RP1: variants seen among roughly 807,000 people sequenced by gnomAD.
RP1 encodes the protein oxygen-regulated protein 1.
RP1 carries 16 observed loss-of-function variants against 14.8 expected under a neutral mutation model. That is an observed-to-expected ratio of 1.08 (90% CI 0.73 to 1.65). The LOEUF is 1.65. RP1 is among the 40% of genes most tolerant of loss of function. RP1 has a pLI of 0.00. For synonymous variants in RP1, 876 were observed against 883.6 expected (o/e 0.99, Z 0.15); for missense variants, 2,631 against 2,535.0 (o/e 1.04, Z -0.81).
exon 29 of RP1, chr8:54,870,027 C>A: frequency 3.4e-6 from 2 of 593,154 alleles, no homozygotes; most frequent in Non-Finnish European, 4.9e-6. Context: ...TTTGCTTGGG[C>A]TGGAGCAAAC....
intron 1 of RP1, among the ~76,000 whole-genome samples, chr8:54,585,429 A>G (rs1804898216): frequency 6.6e-6 from 1 of 151,820 alleles, no homozygotes; most frequent in Non-Finnish European, 1.5e-5. Context: ...TGCCCTTAAC[A>G]TTTTTTCCTT....
rs886062989 is a variant in RP1 at position 54,621,040 on chromosome 8, G to A, written c.74G>A (p.Arg25His). ...TCTGAAGGTCAAGTTCCACCCCCTC[G>A]CCATTTGAGCCTCACTCATCCTGTT... ...TSSEGQVPPPRHLSLTHPVVA... is the reference protein window; with the variant it reads ...TSSEGQVPPPHHLSLTHPVVA... The change falls in exon 2 of 4, where the codon CGC (arginine) becomes CAC (histidine). Residue 25 changes from arginine (R) to histidine (H), a missense_variant. Physicochemically the swap from Arg to His is conservative, Grantham distance 29. Transcript: ENST00000220676. 3 of 1,613,874 alleles carry A rather than the reference G, an allele frequency of 1.9e-6. No homozygotes were observed. Among genetic ancestry groups the A allele is most frequent in the Admixed American group, 1.7e-5 (1 of 59,982 alleles).
At chr8:54,748,704 G>A (rs1292784079) in intron 19 of RP1, among the ~76,000 whole-genome samples, 1 of 152,172 alleles carries the variant, frequency 6.6e-6, no homozygotes, top group Non-Finnish European at 1.5e-5. Flanking sequence ...TGACATGAGT[G>A]CCCCATCCAC....
rs553462662 is a variant in RP1 at position 54,762,781 on chromosome 8, G to T, written c.3248+3705G>T. Among the ~76,000 whole-genome samples, 6 of 152,252 alleles carry T rather than the reference G, an allele frequency of 3.9e-5. 1 individual carries two copies. The South Asian group carries it at 1.0e-3, about 26-fold the overall frequency. Reference sequence around the variant, plus strand: ...CATCGGGGCCTCACTGTCTCGGAAGGCCTGGGAAACAGTCCTTCCTCGCCC... The same window carrying T: ...CATCGGGGCCTCACTGTCTCGGAAGTCCTGGGAAACAGTCCTTCCTCGCCC... On this transcript the variant is annotated intron_variant, in intron 22 of 22. Transcript: ENST00000636932.
Position 54,570,677 on chromosome 8 carries a change from C to T in RP1, c.-13+11357C>T, listed in dbSNP as rs185787107. 3.6e-3 allele frequency among the ~76,000 whole-genome samples: 541 copies of T among 149,722 alleles called. 4 individuals carry two copies. Among genetic ancestry groups the T allele is most frequent in the Non-Finnish European group, 4.4e-3 (299 of 67,486 alleles). On this transcript the variant is annotated intron_variant, in intron 1 of 22. Transcript: ENST00000636932. ...AATCAAACTATTCTTTGTTTTCAAACAAACACACGGAACACATTCTCACAG... is the reference window on the plus strand; with the variant it reads ...AATCAAACTATTCTTTGTTTTCAAATAAACACACGGAACACATTCTCACAG...
upstream of RP1, among the ~76,000 whole-genome samples, chr8:54,612,607 T>C (rs1805624239): frequency 6.6e-6 from 1 of 152,230 alleles, no homozygotes; most frequent in Non-Finnish European, 1.5e-5. Context: ...TTTAACATCA[T>C]TGTCAAAGTA....
chr8:54,780,567 A>T (rs1344622380), intron 23 of RP1, among the ~76,000 whole-genome samples: 1 of 152,218 alleles, frequency 6.6e-6, no homozygotes, highest in African/African-American at 2.4e-5. Flanking sequence ...AAATATTTTT[A>T]AAAAGGAAGG....
At chr8:54,835,271 T>C (rs1811630041) in intron 24 of RP1, among the ~76,000 whole-genome samples, 2 of 152,192 alleles carry the variant, frequency 1.3e-5, no homozygotes, top group Admixed American at 1.3e-4. Flanking sequence ...TTGACTAATA[T>C]ATTAGAAGCA....
rs942515388 is a variant in RP1 at position 54,582,441 on chromosome 8, C to T, written c.-13+23121C>T. Among the ~76,000 whole-genome samples the T allele has an allele frequency of 7.7e-3, 1,168 of 151,122 alleles. 13 individuals carry two copies. Among genetic ancestry groups the T allele is most frequent in the South Asian group, 0.04 (192 of 4,742 alleles). ...TAGTTTGAAGTCAGGTAGTGTGATG[C>T]CTCCAGCTTTGTTCTTTTGCCTTAG... On this transcript the variant is annotated intron_variant, in intron 1 of 22. Coordinates refer to the RP1 transcript ENST00000636932.
At chr8:54,805,397 G>A (rs1398411533) in intron 24 of RP1, among the ~76,000 whole-genome samples, 1 of 152,058 alleles carries the variant, frequency 6.6e-6, no homozygotes, top group Non-Finnish European at 1.5e-5. Flanking sequence ...TAGCATCACA[G>A]TAAATAAAAT....
At chr8:54,812,803 A>ATCTG (rs1811040424) in intron 24 of RP1, among the ~76,000 whole-genome samples, 1 of 147,130 alleles carries the variant, frequency 6.8e-6, no homozygotes. Flanking sequence ...CTATCTATCT[A>ATCTG]TCTATCTCTC....
intron 1 of RP1, among the ~76,000 whole-genome samples, chr8:54,617,112 C>G (rs77647051): frequency 0.064 from 9,805 of 152,200 alleles, 978 homozygotes; most frequent in African/African-American, 0.22. Context: ...TCATTAGAAG[C>G]GGATTTTAAG....
chr8:54,801,449 G>A (rs1182124610), intron 24 of RP1, among the ~76,000 whole-genome samples: 10 of 152,002 alleles, frequency 6.6e-5, no homozygotes. Context: ...TTTTTTCATG[G>A]TGCCCTTTCT....
chr8:54,621,371 G>T lies in RP1; in HGVS notation c.405G>T (p.Ala135=). 1 of 1,612,698 alleles carries T rather than the reference G, an allele frequency of 6.2e-7. No individual in the cohort carries two copies. The highest frequency in any genetic ancestry group is 2.2e-5 in the East Asian group (1 of 44,856). The change falls in exon 2 of 4, where the codon GCG becomes GCT. Residue 135 remains alanine (A), a synonymous_variant. Coordinates refer to ENST00000220676, the MANE Select transcript of RP1 (RefSeq NM_006269.2). ...GGCTCAGCAGCCGGGCCATTAGCGC[G>T]CACTCACCGCCCCACCCCGTAGCCG... ...RPWLSSRAIS[A]HSPPHPVAVA... is the part of the protein sequence containing the mutation.
chr8:54,785,763 A>G (rs1269700007), intron 24 of RP1, among the ~76,000 whole-genome samples: 1 of 152,020 alleles, frequency 6.6e-6, no homozygotes, highest in East Asian at 1.9e-4. Flanking sequence ...TGATTTTGAT[A>G]TGTATTTCCT....
chr8:54,791,511 TA>T (rs1810465278), intron 24 of RP1, among the ~76,000 whole-genome samples: 1 of 152,108 alleles, frequency 6.6e-6, no homozygotes, highest in Non-Finnish European at 1.5e-5. Context: ...AAAAATGTAT[TA>T]AAAATAACTA....
chr8:54,801,410 T>C (rs1810702388), intron 24 of RP1, among the ~76,000 whole-genome samples: 1 of 152,198 alleles, frequency 6.6e-6, no homozygotes, highest in South Asian at 2.1e-4. Context: ...AGGATGTGTT[T>C]TTGCCACTCC....
At chr8:54,649,482 A>G (rs1806614365) in intron 4 of RP1, among the ~76,000 whole-genome samples, 2 of 152,220 alleles carry the variant, frequency 1.3e-5, no homozygotes. Flanking sequence ...AGGAAGGCAA[A>G]AAAGTTGTCA....
chr8:54,797,720 A>G (rs992516749), intron 24 of RP1, among the ~76,000 whole-genome samples: 4 of 152,126 alleles, frequency 2.6e-5, no homozygotes, highest in Non-Finnish European at 5.9e-5. Context: ...TCAGAAGAAA[A>G]CTTCGTGTCT....
Sources: gnomAD v4.1 joint callset for allele counts (sites outside exome capture counted in the v4.1 genomes callset) on GRCh38, gnomAD v4.1.1 for gene constraint, MANE v1.5 for transcripts, NCBI Gene and HGNC (gene_info 2026-07-23, HGNC 2026-07-21) for gene names.